The following KIFBP variants were observed in gnomAD, a reference collection of about 807,000 sequenced individuals.
KIFBP encodes the protein kinesin family binding protein.
Under a neutral mutation model 58.9 loss-of-function variants are expected in KIFBP, and 46 were observed. That is an observed-to-expected ratio of 0.78 (90% CI 0.62 to 1.00). The LOEUF is 1.00. KIFBP is among the 50% of genes least tolerant of loss of function. KIFBP has a pLI of 0.00. For missense variants in KIFBP, 651 were observed against 752.9 expected (o/e 0.86, Z 1.58); for synonymous variants, 241 against 283.4 (o/e 0.85, Z 1.50).
At chr10:69,009,069 G>T in intron 5 of KIFBP, 144 bp downstream of exon 5, 1 of 666,504 alleles carries the variant, frequency 1.5e-6, no homozygotes, top group Admixed American at 2.4e-5. Context: ...TCCTCGCTTG[G>T]AATCAAATTT....
Position 69,015,898 on chromosome 10 carries a change from A to C in KIFBP, c.1348A>C (p.Arg450=), listed in dbSNP as rs765056621. Residue 450 remains arginine (R), a synonymous_variant, in exon 7 of 7, where the codon AGA becomes CGA. Coordinates refer to ENST00000361983, the MANE Select transcript of KIFBP (RefSeq NM_015634.4). ...MERRCKMHKR[R]IAMLEPLTVD... is the part of the protein sequence containing the mutation. ...GAGACGGTGCAAGATGCATAAACGC[A>C]GAATAGCCATGCTAGAGCCCCTAAC... The C allele has an allele frequency of 3.7e-6, 6 of 1,614,210 alleles. No homozygotes were observed. Among genetic ancestry groups the C allele is most frequent in the Non-Finnish European group, 5.1e-6 (6 of 1,180,036 alleles).
intron 1 of KIFBP, 97 bp from the exon 2 acceptor site, chr10:69,000,327 A>G (rs1303665326): frequency 1.8e-5 from 14 of 791,074 alleles, no homozygotes; most frequent in Non-Finnish European, 2.9e-5. Flanking sequence ...CAACTCTACT[A>G]TTTGGTTGGT....
chr10:68,991,468 T>C, intron 1 of KIFBP: 1 of 382,312 alleles, frequency 2.6e-6, no homozygotes. Flanking sequence ...AAGTTATCAA[T>C]GAGGATGTCG....
chr10:69,016,507 A>G lies in KIFBP; in HGVS notation c.*91A>G. The G allele has an allele frequency of 7.5e-7, 1 of 1,337,584 alleles. No individual in the cohort carries two copies. The highest frequency in any genetic ancestry group is 2.3e-5 in the East Asian group (1 of 43,112). The allele number at this position is 1,337,584 out of a possible 1,614,324, so 82.9% of individuals were successfully genotyped here. A position where few individuals can be genotyped will look rare whatever the true frequency, so the allele number is the denominator to read the frequency against. Reference sequence around the variant, plus strand: ...CAATTCCATTGTGATGTTTACCTTTATAGCCAGGTGAGTGCAGTTTGAACT... The same window carrying G: ...CAATTCCATTGTGATGTTTACCTTTGTAGCCAGGTGAGTGCAGTTTGAACT... On this transcript the variant is annotated 3_prime_UTR_variant, in exon 7 of 7. Transcript: ENST00000361983.
rs771841264 is a variant in KIFBP, at chr10:69,000,504, T to C, written c.507T>C (p.Tyr169=). 6.2e-7 allele frequency: 1 copy of C among 1,603,018 alleles called. No individual in the cohort carries two copies. Among genetic ancestry groups the C allele is most frequent in the South Asian group, 1.1e-5 (1 of 90,838 alleles). The stretch of plus-strand genomic sequence containing the variant: ...ACCTAGAGTCATCAGAAGCACTATA[T>C]AATCAGTATATGAAAGAGGTATGTT... ...QAYLESSEAL[Y]NQYMKEVGSP... The change falls in exon 2 of 7, where the codon TAT becomes TAC. Residue 169 remains tyrosine (Y), a synonymous_variant. Transcript: ENST00000361983.
At chr10:69,010,560 T>G (rs897517908) in intron 5 of KIFBP, among the ~76,000 whole-genome samples, 1 of 152,148 alleles carries the variant, frequency 6.6e-6, no homozygotes, top group Non-Finnish European at 1.5e-5. Flanking sequence ...TAGTAAAGAA[T>G]TGGAAACAAC....
intron 5 of KIFBP, 138 bp downstream of exon 5, chr10:69,009,063 C>T (rs1020639742): frequency 2.4e-5 from 16 of 674,020 alleles, no homozygotes; most frequent in African/African-American, 7.3e-5. Context: ...GTATTTTCCT[C>T]GCTTGGAATC....
chr10:69,005,205 A>T, intron 3 of KIFBP, 80 bp downstream of exon 3: 1 of 1,050,868 alleles, frequency 9.5e-7, no homozygotes, highest in East Asian at 2.4e-5. Flanking sequence ...TCACTTATAA[A>T]GGTTATAGAA....
chr10:68,997,170 A>G (rs1268878806), intron 1 of KIFBP, among the ~76,000 whole-genome samples: 2 of 152,170 alleles, frequency 1.3e-5, no homozygotes, highest in African/African-American at 4.8e-5. Flanking sequence ...TCTCTCCTCT[A>G]TGTTACTTAT....
intron 6 of KIFBP, 24 bp from the exon 7 acceptor site, chr10:69,015,517 A>G (rs1031901469): frequency 4.3e-6 from 7 of 1,610,208 alleles, no homozygotes; most frequent in Non-Finnish European, 5.9e-6. Flanking sequence ...CTACTTAACC[A>G]TAATTTATTT....
intron 1 of KIFBP, among the ~76,000 whole-genome samples, chr10:68,994,438 A>G (rs1359390062): frequency 2.6e-5 from 4 of 152,142 alleles, no homozygotes; most frequent in African/African-American, 9.7e-5. Flanking sequence ...TTGGCTCTAT[A>G]TTATTTATCA....
intron 1 of KIFBP, among the ~76,000 whole-genome samples, chr10:68,995,885 C>T (rs1223002347): frequency 1.3e-5 from 2 of 152,122 alleles, no homozygotes; most frequent in Non-Finnish European, 2.9e-5. Flanking sequence ...AGGCTGGGCA[C>T]GGTACCTCAT....
rs139112096 is a variant in KIFBP at position 68,991,518 on chromosome 10, C to T, written c.426+2260C>T. 2,070 of 437,080 alleles carry T rather than the reference C, an allele frequency of 4.7e-3. 9 individuals carry two copies. The highest frequency in any genetic ancestry group is 7.0e-3 in the Non-Finnish European group (1,465 of 209,552). 27.1% of individuals were successfully genotyped at this position (437,080 alleles called of 1,614,324 possible). A position where few individuals can be genotyped will look rare whatever the true frequency, so the allele number is the denominator to read the frequency against. The stretch of plus-strand genomic sequence containing the variant: ...AGAAATGAATAACATTGGAGACATG[C>T]ACTGGTCCAGAAGCACTTGACAAAG... On this transcript the variant is annotated intron_variant, in intron 1 of 6. Coordinates refer to ENST00000361983, the MANE Select transcript of KIFBP (RefSeq NM_015634.4).
chr10:68,998,757 G>GTATATATATATATATA (rs1554842726), intron 1 of KIFBP, among the ~76,000 whole-genome samples: 4 of 79,870 alleles, frequency 5.0e-5, no homozygotes, highest in African/African-American at 9.8e-5. Flanking sequence ...ATACATATAT[G>GTATATATATATATATA]TATATATATA....
intron 1 of KIFBP, chr10:68,995,344 T>C (rs1011069862): frequency 6.6e-6 from 1 of 152,186 alleles, no homozygotes; most frequent in African/African-American, 2.4e-5. Flanking sequence ...TATATACTCT[T>C]GTTTTGGTAT....
At position 69,015,498 on chromosome 10, in the gene KIFBP, G is replaced by T. The variant is rs538856981; in HGVS notation, c.991-43G>T. On this transcript the variant is annotated intron_variant, in intron 6 of 6. Transcript: ENST00000361983. The stretch of plus-strand genomic sequence containing the variant: ...CTTTAATATTATTTAACAGCAGGAG[G>T]TGAGTGTCCTACTTAACCATAATTT... 2.2e-5 allele frequency: 34 copies of T among 1,576,804 alleles called. 1 individual carries two copies. In the South Asian group the frequency reaches 3.2e-4, roughly 15 times the overall value.
chr10:68,989,480 C>G, intron 1 of KIFBP: 2 of 599,796 alleles, frequency 3.3e-6, no homozygotes, highest in Admixed American at 3.0e-5. Flanking sequence ...TCCCCAGACT[C>G]CGTGTCCACC....
At chr10:69,015,429 G>C in intron 6 of KIFBP, 112 bp from the exon 7 acceptor site, 1 of 1,013,190 alleles carries the variant, frequency 9.9e-7, no homozygotes, top group Non-Finnish European at 1.5e-6. Context: ...TCTAAACCAG[G>C]CTGGAAAGTA....
rs1011177957 is a variant in KIFBP at position 69,005,605 on chromosome 10, G to A, written c.606-127G>A. 4 of 694,790 alleles carry A rather than the reference G, an allele frequency of 5.8e-6. No individual in the cohort carries two copies. The African/African-American group carries it at 7.2e-5, about 13-fold the overall frequency. The allele number at this position is 694,790 out of a possible 1,614,324, so 43.0% of individuals were successfully genotyped here. A position where few individuals can be genotyped will look rare whatever the true frequency, so the allele number is the denominator to read the frequency against. ...GCAGGAGAATTGCTTGAACCCAGGA[G>A]GCGGAGGCAGTGAGCCAAGATCGTG... On this transcript the variant is annotated intron_variant, in intron 3 of 6. Transcript: ENST00000361983.
Sources: gnomAD v4.1 joint callset for allele counts (sites outside exome capture counted in the v4.1 genomes callset) on GRCh38, gnomAD v4.1.1 for gene constraint, MANE v1.5 for transcripts, NCBI Gene and HGNC (gene_info 2026-07-23, HGNC 2026-07-21) for gene names.